AUTS2: variants seen among roughly 807,000 people sequenced by gnomAD.
AUTS2 encodes the protein autism susceptibility gene 2 protein.
AUTS2 carries 17 observed loss-of-function variants against 112.4 expected under a neutral mutation model. The observed-to-expected ratio is 0.15, with a 90% CI of 0.10 to 0.23. The LOEUF is 0.23. Among genes scored for constraint, AUTS2 ranks in the 10% least tolerant of loss-of-function variants. The pLI is 1.00. For synonymous variants in AUTS2, 751 were observed against 702.7 expected, an observed-to-expected ratio of 1.07 and a Z score of -1.09; for missense variants, 1,510 against 1,701.6, an observed-to-expected ratio of 0.89 and a Z score of 1.98.
intron 4 of AUTS2, among the ~76,000 whole-genome samples, chr7:70,414,057 A>T (rs1299526439): frequency 6.6e-6 from 1 of 152,208 alleles, no homozygotes; most frequent in African/African-American, 2.4e-5. Context: ...CTGGATTTGA[A>T]TGCTAAGGAG....
At chr7:70,027,777 C>G (rs1800586613) in intron 2 of AUTS2, among the ~76,000 whole-genome samples, 1 of 152,172 alleles carries the variant, frequency 6.6e-6, no homozygotes, top group Admixed American at 6.5e-5. Context: ...TTTACCTAAT[C>G]TATGCAGTTT....
chr7:69,976,981 G>C (rs1287349120), intron 2 of AUTS2, among the ~76,000 whole-genome samples: 1 of 152,112 alleles, frequency 6.6e-6, no homozygotes, highest in Non-Finnish European at 1.5e-5. Context: ...TTTGTTACCT[G>C]TGCTTTTGTT....
At chr7:69,882,110 A>G (rs1406578080) in intron 1 of AUTS2, among the ~76,000 whole-genome samples, 1 of 142,810 alleles carries the variant, frequency 7.0e-6, no homozygotes, top group Non-Finnish European at 1.5e-5. Context: ...AAATCAGGCC[A>G]CTGCACTCCA....
At chr7:70,653,331 G>A (rs1056878330) in intron 5 of AUTS2, among the ~76,000 whole-genome samples, 1 of 152,062 alleles carries the variant, frequency 6.6e-6, no homozygotes, top group African/African-American at 2.4e-5. Flanking sequence ...CTTGTAAATG[G>A]CTTTTGAAGA....
chr7:70,419,778 T>A (rs912498806), intron 4 of AUTS2, among the ~76,000 whole-genome samples: 1 of 152,230 alleles, frequency 6.6e-6, no homozygotes, highest in Non-Finnish European at 1.5e-5. Context: ...CAACACTGCA[T>A]ATCAGCATTT....
intron 2 of AUTS2, among the ~76,000 whole-genome samples, chr7:69,914,796 A>G (rs761565695): frequency 3.3e-5 from 5 of 151,766 alleles, no homozygotes; most frequent in Non-Finnish European, 7.4e-5. Context: ...ATGAGTACAA[A>G]CTCTTTTTAG....
chr7:70,082,104 C>T (rs1297410700), intron 2 of AUTS2, among the ~76,000 whole-genome samples: 1 of 151,872 alleles, frequency 6.6e-6, no homozygotes, highest in East Asian at 1.9e-4. Context: ...ATATTATGAA[C>T]GTTATGGTTC....
chr7:69,849,601 T>C (rs1285263966), intron 1 of AUTS2, among the ~76,000 whole-genome samples: 1 of 151,854 alleles, frequency 6.6e-6, no homozygotes, highest in African/African-American at 2.4e-5. Flanking sequence ...ATTTAAAAAT[T>C]ATATAAATGT....
intron 2 of AUTS2, among the ~76,000 whole-genome samples, chr7:69,908,316 G>A (rs1562962284): frequency 6.6e-6 from 1 of 152,172 alleles, no homozygotes; most frequent in Non-Finnish European, 1.5e-5. Flanking sequence ...GGGTCCTAAT[G>A]ATGTTTAAAA....
chr7:69,855,426 AG>A (rs1792677234), intron 1 of AUTS2, among the ~76,000 whole-genome samples: 1 of 152,234 alleles, frequency 6.6e-6, no homozygotes. Flanking sequence ...ATGACTTTTA[AG>A]GCCTTTTGTG....
At chr7:69,792,232 G>GT (rs148860619) in intron 1 of AUTS2, among the ~76,000 whole-genome samples, 46,526 of 146,380 alleles carry the variant, frequency 0.32, 7,388 homozygotes, top group Middle Eastern at 0.39. Context: ...TTAAGTTGTT[G>GT]TTTTTTTTTT....
intron 6 of AUTS2, among the ~76,000 whole-genome samples, chr7:70,730,708 C>T (rs4718990): frequency 0.24 from 36,930 of 152,012 alleles, 5,213 homozygotes; most frequent in East Asian, 0.58. Flanking sequence ...ATAATGCTGC[C>T]GTGAACATTC....
At chr7:70,291,984 A>AT (rs1178019332) in intron 4 of AUTS2, 6 of 152,132 alleles carry the variant, frequency 3.9e-5, no homozygotes, top group Non-Finnish European at 8.8e-5. Flanking sequence ...GTGGTGTCAG[A>AT]TTTTTCACCC....
At position 69,760,649 on chromosome 7, in the gene AUTS2, C is replaced by T. The variant is rs376709787; in HGVS notation, c.310-138637C>T. On this transcript the variant is annotated intron_variant, in intron 1 of 18. Coordinates refer to ENST00000342771, the MANE Select transcript of AUTS2 (RefSeq NM_015570.4). ...CAGCCTGACCAACATGGTGAAACCC[C>T]GTCTCTACTAAAAATACAAAAATTA... 2.4e-3 allele frequency among the ~76,000 whole-genome samples: 367 copies of T among 152,104 alleles called. 1 individual carries two copies. The highest frequency in any genetic ancestry group is 8.1e-3 in the African/African-American group (336 of 41,514).
chr7:69,952,058 T>A (rs1797047713), intron 2 of AUTS2, among the ~76,000 whole-genome samples: 1 of 152,204 alleles, frequency 6.6e-6, no homozygotes, highest in South Asian at 2.1e-4. Flanking sequence ...TTGCTAATTA[T>A]TTTTTACTGC....
At chr7:70,356,101 A>T (rs1166783453) in intron 4 of AUTS2, among the ~76,000 whole-genome samples, 3 of 152,178 alleles carry the variant, frequency 2.0e-5, no homozygotes, top group Admixed American at 6.5e-5. Flanking sequence ...AGTTTAATTA[A>T]TGTGCTCAGA....
intron 4 of AUTS2, among the ~76,000 whole-genome samples, chr7:70,197,614 G>A (rs1181830418): frequency 2.8e-5 from 2 of 72,000 alleles, no homozygotes; most frequent in Non-Finnish European, 5.6e-5. Flanking sequence ...ACTCCCACCC[G>A]AATATTGCGC....
At chr7:69,604,161 G>A (rs1386459391) in intron 1 of AUTS2, among the ~76,000 whole-genome samples, 2 of 152,182 alleles carry the variant, frequency 1.3e-5, no homozygotes, top group Non-Finnish European at 2.9e-5. Context: ...CTTTGATGCG[G>A]TCTTCACTTC....
At chr7:70,233,587 T>C (rs571535464) in intron 4 of AUTS2, among the ~76,000 whole-genome samples, 1 of 152,356 alleles carries the variant, frequency 6.6e-6, no homozygotes, top group South Asian at 2.1e-4. Flanking sequence ...AAATTTAACT[T>C]AATCCCTTGG....
Sources: gnomAD v4.1 joint callset for allele counts (sites outside exome capture counted in the v4.1 genomes callset) on GRCh38, gnomAD v4.1.1 for gene constraint, MANE v1.5 for transcripts, NCBI Gene and HGNC (gene_info 2026-07-23, HGNC 2026-07-21) for gene names.